CNTNAP5: variants seen among roughly 807,000 people sequenced by gnomAD.
The protein encoded by CNTNAP5 is contactin-associated protein-like 5.
In CNTNAP5, 72 loss-of-function variants were observed where a neutral mutation model predicts 150.2. That is an observed-to-expected ratio of 0.48 (90% CI 0.40 to 0.58). The LOEUF is 0.58. Ranked by LOEUF, CNTNAP5 falls within the 20% of genes least tolerant of loss-of-function variation. CNTNAP5 has a pLI of 0.00. For synonymous variants in CNTNAP5, 672 were observed against 619.8 expected (o/e 1.08, Z -1.25); for missense variants, 1,636 against 1,626.2 (o/e 1.01, Z -0.10).
intron 3 of CNTNAP5, among the ~76,000 whole-genome samples, chr2:124,326,786 AAAAT>A (rs770923528): frequency 3.3e-5 from 5 of 151,850 alleles, no homozygotes; most frequent in East Asian, 1.9e-4. Context: ...TACAACTATA[AAAAT>A]AAATAAATAA....
At chr2:124,088,019 T>C (rs1351044844) in intron 1 of CNTNAP5, among the ~76,000 whole-genome samples, 3 of 152,162 alleles carry the variant, frequency 2.0e-5, no homozygotes, top group African/African-American at 4.8e-5. Context: ...TTTCAGCCAT[T>C]ATTCAAGTTA....
chr2:124,349,946 G>A (rs910451456), intron 3 of CNTNAP5, among the ~76,000 whole-genome samples: 3 of 130,048 alleles, frequency 2.3e-5, no homozygotes, highest in South Asian at 2.7e-4. Flanking sequence ...GTGCAACGGC[G>A]CGATCTTGGC....
intron 1 of CNTNAP5, among the ~76,000 whole-genome samples, chr2:124,119,204 C>T (rs1051775538): frequency 5.3e-5 from 8 of 152,112 alleles, no homozygotes; most frequent in East Asian, 1.9e-4. Context: ...TCACTCTCAT[C>T]GCGTCACTGC....
At chr2:124,252,076 C>T (rs1471307790) in intron 3 of CNTNAP5, among the ~76,000 whole-genome samples, 8 of 152,298 alleles carry the variant, frequency 5.3e-5, no homozygotes, top group Admixed American at 3.9e-4. Flanking sequence ...GAGAAGTAGA[C>T]ACTTTCATGC....
intron 12 of CNTNAP5, among the ~76,000 whole-genome samples, chr2:124,612,439 T>C (rs929266105): frequency 6.6e-6 from 1 of 152,170 alleles, no homozygotes; most frequent in African/African-American, 2.4e-5. Flanking sequence ...TTCAAAATAA[T>C]GCAAGGACAA....
intron 3 of CNTNAP5, among the ~76,000 whole-genome samples, chr2:124,281,362 T>A (rs1688008270): frequency 6.6e-6 from 1 of 152,176 alleles, no homozygotes; most frequent in African/African-American, 2.4e-5. Context: ...CAGTGCTTAT[T>A]TATTTCCCAA....
At chr2:124,872,410 G>A (rs1053620926) in intron 21 of CNTNAP5, among the ~76,000 whole-genome samples, 2 of 149,612 alleles carry the variant, frequency 1.3e-5, no homozygotes, top group African/African-American at 5.0e-5. Context: ...GTGTGTGTGT[G>A]TGTGTGCGTG....
At chr2:124,108,612 C>A (rs561066706) in intron 1 of CNTNAP5, among the ~76,000 whole-genome samples, 1 of 152,276 alleles carries the variant, frequency 6.6e-6, no homozygotes, top group Admixed American at 6.5e-5. Flanking sequence ...CTCTCATGTG[C>A]ACATTAGAAG....
chr2:124,425,753 T>G (rs549270134), intron 4 of CNTNAP5, among the ~76,000 whole-genome samples: 332 of 152,312 alleles, frequency 2.2e-3, no homozygotes, highest in Admixed American at 6.8e-3. Context: ...AGTGGCATAG[T>G]GATGCATTTG....
chr2:124,170,762 G>A (rs1366480751), intron 1 of CNTNAP5, among the ~76,000 whole-genome samples: 2 of 152,090 alleles, frequency 1.3e-5, no homozygotes, highest in South Asian at 2.1e-4. Context: ...AATGATTGGT[G>A]AAAAGAGAAC....
At chr2:124,133,672 CT>C (rs1341063258) in intron 1 of CNTNAP5, among the ~76,000 whole-genome samples, 16 of 152,104 alleles carry the variant, frequency 1.1e-4, no homozygotes, top group Non-Finnish European at 1.9e-4. Flanking sequence ...ACCAGTAGTG[CT>C]TTTTTTCCCT....
rs78875263 is a variant in CNTNAP5 at position 124,048,619 on chromosome 2, G to A, written c.82+22887G>A. Among the ~76,000 whole-genome samples the A allele has an allele frequency of 9.4e-3, 1,425 of 152,228 alleles. 15 individuals are homozygous for A. The highest frequency in any genetic ancestry group is 0.041 in the Middle Eastern group (12 of 294). ...TGTTGCATTCATCATACTTTCAAAG[G>A]AATACAAATTCAAAAATGAAAAGAT... On this transcript the variant is annotated intron_variant, in intron 1 of 23. Coordinates refer to ENST00000682447, the MANE Select transcript of CNTNAP5 (RefSeq NM_001367498.1).
intron 12 of CNTNAP5, among the ~76,000 whole-genome samples, chr2:124,611,138 AT>A (rs1677375928): frequency 2.0e-5 from 3 of 152,120 alleles, no homozygotes; most frequent in Non-Finnish European, 4.4e-5. Flanking sequence ...AGGCCTCAGG[AT>A]TTTCTGCAAC....
At chr2:124,811,377 C>G (rs1414060501) in intron 19 of CNTNAP5, among the ~76,000 whole-genome samples, 1 of 152,066 alleles carries the variant, frequency 6.6e-6, no homozygotes, top group Admixed American at 6.6e-5. Flanking sequence ...TACTATTTGA[C>G]TTTATAAATG....
intron 3 of CNTNAP5, among the ~76,000 whole-genome samples, chr2:124,290,562 C>T (rs889322934): frequency 2.6e-5 from 4 of 152,222 alleles, no homozygotes; most frequent in African/African-American, 9.6e-5. Flanking sequence ...GGTCACAAGT[C>T]TTCACCTTTG....
At chr2:124,635,539 C>T (rs1237047451) in intron 12 of CNTNAP5, among the ~76,000 whole-genome samples, 4 of 152,182 alleles carry the variant, frequency 2.6e-5, no homozygotes, top group Admixed American at 6.5e-5. Context: ...GAAGGTCCAT[C>T]AAGTCCTCCT....
intron 1 of CNTNAP5, among the ~76,000 whole-genome samples, chr2:124,176,995 A>T (rs1447845734): frequency 2.6e-5 from 4 of 151,790 alleles, no homozygotes; most frequent in African/African-American, 9.7e-5. Flanking sequence ...CAGGCCATGC[A>T]TCACCATGCC....
At chr2:124,682,181 C>T (rs1341804291) in intron 13 of CNTNAP5, among the ~76,000 whole-genome samples, 1 of 152,096 alleles carries the variant, frequency 6.6e-6, no homozygotes, top group African/African-American at 2.4e-5. Context: ...CTTGAAGATT[C>T]CCAGGAGCAT....
chr2:124,556,851 G>C (rs2104923776), intron 10 of CNTNAP5, among the ~76,000 whole-genome samples: 1 of 152,200 alleles, frequency 6.6e-6, no homozygotes, highest in Non-Finnish European at 1.5e-5. Flanking sequence ...CAGGGTGAGG[G>C]AGGAGATCAG....
Sources: allele counts gnomAD v4.1 joint callset (sites outside exome capture counted in the v4.1 genomes callset), GRCh38; gene constraint gnomAD v4.1.1; transcripts MANE v1.5; gene names NCBI Gene and HGNC (gene_info 2026-07-23, HGNC 2026-07-21).